The following DCDC2 variants were observed in gnomAD, a reference collection of about 807,000 sequenced individuals.
DCDC2 encodes the protein doublecortin domain containing 2.
In DCDC2, 40 loss-of-function variants were observed where a neutral mutation model predicts 50.2. That is an observed-to-expected ratio of 0.80 (90% CI 0.62 to 1.04). The LOEUF (loss-of-function observed/expected upper bound fraction) is 1.04, where lower values mean the gene tolerates loss of function less well. DCDC2 is among the 50% of genes least tolerant of loss of function. DCDC2 has a pLI of 0.00. For synonymous variants in DCDC2, 234 were observed against 210.6 expected (o/e 1.11, Z -0.96); for missense variants, 570 against 581.9 (o/e 0.98, Z 0.21).
intron 2 of DCDC2, among the ~76,000 whole-genome samples, chr6:24,304,657 T>A (rs1478871452): frequency 2.6e-5 from 4 of 152,206 alleles, no homozygotes; most frequent in Non-Finnish European, 5.9e-5. Context: ...TACATACACA[T>A]GCATATTATC....
rs1466449522 is a variant in DCDC2 at position 24,171,852 on chromosome 6, T to C, written c.*2878A>G. Reference sequence around the variant, plus strand: ...GTTTACAAGTGTCTTAAAATCCAGATAAGTTTAACAAAGTGGTTTCATAAA... The same window carrying C: ...GTTTACAAGTGTCTTAAAATCCAGACAAGTTTAACAAAGTGGTTTCATAAA... On this transcript the variant is annotated 3_prime_UTR_variant, in exon 10 of 10. Coordinates refer to ENST00000378454, the MANE Select transcript of DCDC2 (RefSeq NM_016356.5). 1 of 152,224 alleles carries C rather than the reference T, an allele frequency of 6.6e-6. No individual in the cohort carries two copies. Among genetic ancestry groups the C allele is most frequent in the African/African-American group, 2.4e-5 (1 of 41,464 alleles). The allele number at this position is 152,224 out of a possible 1,614,324, so 9.4% of individuals were successfully genotyped here. A position where few individuals can be genotyped will look rare whatever the true frequency, so the allele number is the denominator to read the frequency against.
At chr6:24,250,045 G>A (rs987307046) in intron 7 of DCDC2, among the ~76,000 whole-genome samples, 6 of 152,152 alleles carry the variant, frequency 3.9e-5, no homozygotes, top group African/African-American at 1.4e-4. Flanking sequence ...ATTGCAATTT[G>A]AGAGGTTTAA....
chr6:24,233,353 A>C (rs75213536), intron 7 of DCDC2, among the ~76,000 whole-genome samples: 1,770 of 152,310 alleles, frequency 0.012, 41 homozygotes, highest in African/African-American at 0.04. Context: ...TATTTGCTTA[A>C]ATCACTACTG....
At chr6:24,224,593 G>T (rs1451520159) in intron 7 of DCDC2, among the ~76,000 whole-genome samples, 5 of 152,156 alleles carry the variant, frequency 3.3e-5, no homozygotes, top group Admixed American at 2.6e-4. Context: ...AACTGGGGTG[G>T]CAGAAGCCGG....
At chr6:24,221,473 T>A (rs1762116554) in intron 7 of DCDC2, among the ~76,000 whole-genome samples, 1 of 152,176 alleles carries the variant, frequency 6.6e-6, no homozygotes, top group Admixed American at 6.5e-5. Flanking sequence ...CTCTGAAGTT[T>A]TTACACTTAT....
intron 1 of DCDC2, among the ~76,000 whole-genome samples, chr6:24,353,870 A>G (rs1760418336): frequency 6.6e-6 from 1 of 152,204 alleles, no homozygotes; most frequent in Non-Finnish European, 1.5e-5. Flanking sequence ...TACATCTATT[A>G]GAGAACATTT....
intron 6 of DCDC2, 67 bp from the exon 7 acceptor site, chr6:24,278,278 C>A: frequency 2.1e-6 from 3 of 1,432,784 alleles, no homozygotes; most frequent in Admixed American, 2.1e-5. Context: ...CCAGTAAATA[C>A]ATGTCATTAA....
At chr6:24,323,630 T>A (rs9366567) in intron 2 of DCDC2, among the ~76,000 whole-genome samples, 3 of 151,976 alleles carry the variant, frequency 2.0e-5, no homozygotes, top group African/African-American at 4.8e-5. Context: ...ATAAAAGATC[T>A]AATACATAAG....
At chr6:24,237,006 A>T (rs1013156527) in intron 7 of DCDC2, among the ~76,000 whole-genome samples, 18 of 118,762 alleles carry the variant, frequency 1.5e-4, no homozygotes, top group African/African-American at 4.5e-4. Flanking sequence ...CAAAGCTCTG[A>T]CTCAAAAAAA....
rs758066502 is a variant in DCDC2 at position 24,301,770 on chromosome 6, G to A, written c.502C>T (p.His168Tyr). The change falls in exon 4 of 10, where the codon CAT (histidine) becomes TAT (tyrosine). Residue 168 changes from histidine (H) to tyrosine (Y), a missense_variant. Coordinates refer to ENST00000378454, the MANE Select transcript of DCDC2 (RefSeq NM_016356.5). ...TTTTCTGTGACCATTTGTAGTACAT[G>A]ATCCCACTGATTCAAGGTTTTTCTG... ...IPRKTLNQWDHVLQMVTEKIT... is the reference protein window; with the variant it reads ...IPRKTLNQWDYVLQMVTEKIT... 12 of 1,614,040 alleles carry A rather than the reference G, an allele frequency of 7.4e-6. No homozygotes were observed. The highest frequency in any genetic ancestry group is 2.2e-5 in the South Asian group (2 of 91,086).
In DCDC2 at chr6:24,173,573, T is replaced by C. The variant is rs904964090; in HGVS notation, c.*1157A>G. 26 of 152,328 alleles carry C rather than the reference T, an allele frequency of 1.7e-4. No homozygotes were observed. Among genetic ancestry groups the C allele is most frequent in the African/African-American group, 5.5e-4 (23 of 41,592 alleles). The allele number at this position is 152,328 out of a possible 1,614,324, so 9.4% of individuals were successfully genotyped here. ...CCATACATACCTCACAAGGCAACTA[T>C]AAATCAATTTAGTCAGTCCATGAAG... On this transcript the variant is annotated 3_prime_UTR_variant, in exon 10 of 10. Transcript: ENST00000378454.
At chr6:24,340,349 AAGGGAAT>A (rs1760132532) in intron 2 of DCDC2, among the ~76,000 whole-genome samples, 1 of 152,144 alleles carries the variant, frequency 6.6e-6, no homozygotes, top group African/African-American at 2.4e-5. Flanking sequence ...GAAATAACAC[AAGGGAAT>A]AGCAATCTGA....
Position 24,288,910 on chromosome 6 carries a change from T to G in DCDC2, c.705-4A>C, listed in dbSNP as rs774040286. The G allele has an allele frequency of 9.4e-6, 15 of 1,592,992 alleles. No individual in the cohort carries two copies. The Admixed American group carries it at 2.8e-4, about 30-fold the overall frequency. On this transcript the variant is annotated splice_polypyrimidine_tract_variant and splice_region_variant and intron_variant, in intron 5 of 9. Transcript: ENST00000378454. Reference sequence around the variant, plus strand: ...AGGTAGTGAAGAAGCTTTCTGACTGTGGAAACAAATTGCAATTTAGAAATC... The same window carrying G: ...AGGTAGTGAAGAAGCTTTCTGACTGGGGAAACAAATTGCAATTTAGAAATC...
At chr6:24,375,444 A>G in the DCDC2 span, among the ~76,000 whole-genome samples, 1 of 151,894 alleles carries the variant, frequency 6.6e-6, no homozygotes, top group South Asian at 2.1e-4. Context: ...CGCTTCTTAC[A>G]TATTTAGGGG....
At chr6:24,362,617 G>A (rs377301108), upstream of DCDC2, among the ~76,000 whole-genome samples, 8 of 151,806 alleles carry the variant, frequency 5.3e-5, no homozygotes, top group South Asian at 8.3e-4. Context: ...TTTAACAGTT[G>A]CCTCACACGC....
At chr6:24,300,509 A>G (rs16889030) in intron 4 of DCDC2, among the ~76,000 whole-genome samples, 4,586 of 152,334 alleles carry the variant, frequency 0.03, 203 homozygotes, top group African/African-American at 0.1. Context: ...CTCTTTACTT[A>G]TATCGTATTT....
the DCDC2 span, among the ~76,000 whole-genome samples, chr6:24,367,820 A>G: frequency 1.3e-5 from 2 of 152,240 alleles, no homozygotes; most frequent in African/African-American, 4.8e-5. Context: ...AAGGAACAAG[A>G]GACAGAAGAA....
intron 8 of DCDC2, among the ~76,000 whole-genome samples, chr6:24,192,287 G>C (rs1761331542): frequency 6.6e-6 from 1 of 152,104 alleles, no homozygotes; most frequent in African/African-American, 2.4e-5. Flanking sequence ...TCCTCTCAAA[G>C]GATATAGACC....
chr6:24,200,342 G>A (rs1434532802), intron 8 of DCDC2, among the ~76,000 whole-genome samples: 1 of 152,118 alleles, frequency 6.6e-6, no homozygotes, highest in Non-Finnish European at 1.5e-5. Context: ...CAGAAGAGTG[G>A]GGGCCAATAT....
Sources: allele counts gnomAD v4.1 joint callset (sites outside exome capture counted in the v4.1 genomes callset), GRCh38; gene constraint gnomAD v4.1.1; transcripts MANE v1.5; gene names NCBI Gene and HGNC (gene_info 2026-07-23, HGNC 2026-07-21).